The following KAZN variants were observed in gnomAD, a reference collection of about 807,000 sequenced individuals.
KAZN encodes the protein kazrin.
A neutral mutation model predicts 87.4 loss-of-function variants in KAZN; 40 were observed. The observed-to-expected ratio is 0.46, with a 90% CI of 0.36 to 0.60. KAZN has a LOEUF of 0.60. Among genes scored for constraint, KAZN ranks in the 20% least tolerant of loss-of-function variants. The probability of loss-of-function intolerance (pLI) is 0.00; values close to 1 mark genes in which losing one functional copy is unlikely to be tolerated. For synonymous variants in KAZN, 466 were observed against 458.3 expected, an observed-to-expected ratio of 1.02 and a Z score of -0.22; for missense variants, 898 against 1,073.9, an observed-to-expected ratio of 0.84 and a Z score of 2.29.
chr1:14,973,708 AAGG>A (rs1222448548), intron 2 of KAZN, among the ~76,000 whole-genome samples: 1 of 152,170 alleles, frequency 6.6e-6, no homozygotes, highest in Non-Finnish European at 1.5e-5. Context: ...AGGAGGAAAA[AAGG>A]AGAAGAAAAG....
In KAZN at chr1:14,694,473, C is replaced by T. The variant is rs2148791655; in HGVS notation, c.226+95250C>T. Reference sequence around the variant, plus strand: ...GATCTCCTCAACTGAAACATTCATTCATTCATTTATTCATTCATCAAACAT... The same window carrying T: ...GATCTCCTCAACTGAAACATTCATTTATTCATTTATTCATTCATCAAACAT... On this transcript the variant is annotated intron_variant, in intron 1 of 14. Coordinates refer to ENST00000376030, the MANE Select transcript of KAZN (RefSeq NM_201628.3). Among the ~76,000 whole-genome samples the T allele has an allele frequency of 1.3e-5, 2 of 152,152 alleles. 1 individual carries two copies. The highest frequency in any genetic ancestry group is 4.2e-4 in the South Asian group (2 of 4,812).
chr1:13,998,902 A>G (rs1639651015), intron 1 of KAZN, among the ~76,000 whole-genome samples: 2 of 150,386 alleles, frequency 1.3e-5, no homozygotes, highest in Non-Finnish European at 3.0e-5. Context: ...CCACAAATCA[A>G]CCGAATATAC....
At chr1:14,105,962 C>T (rs767951780) in intron 1 of KAZN, among the ~76,000 whole-genome samples, 2 of 152,206 alleles carry the variant, frequency 1.3e-5, no homozygotes, top group Non-Finnish European at 2.9e-5. Flanking sequence ...TCTCTACCCG[C>T]TCCTTGCAGC....
chr1:14,412,139 C>T (rs539374616), intron 2 of KAZN, among the ~76,000 whole-genome samples: 58 of 152,118 alleles, frequency 3.8e-4, no homozygotes, highest in Non-Finnish European at 6.0e-4. Flanking sequence ...AAAGAAAAGA[C>T]GTGACAAACA....
intron 1 of KAZN, among the ~76,000 whole-genome samples, chr1:14,107,391 T>C (rs112010492): frequency 6.6e-6 from 1 of 150,762 alleles, no homozygotes; most frequent in African/African-American, 2.5e-5. Context: ...TTGTTTGTTT[T>C]TTTGCCTGCT....
intron 2 of KAZN, among the ~76,000 whole-genome samples, chr1:14,223,902 G>A (rs139818327): frequency 6.6e-6 from 1 of 152,244 alleles, no homozygotes; most frequent in Non-Finnish European, 1.5e-5. Context: ...GGGCAAAGGA[G>A]GTGATCAGCA....
intron 2 of KAZN, among the ~76,000 whole-genome samples, chr1:14,976,884 C>T (rs1338418251): frequency 6.6e-6 from 1 of 152,130 alleles, no homozygotes; most frequent in African/African-American, 2.4e-5. Context: ...GAAACCCTGT[C>T]TCTACTAAAA....
intron 1 of KAZN, among the ~76,000 whole-genome samples, chr1:13,953,052 G>A (rs1641412474): frequency 6.6e-6 from 1 of 152,176 alleles, no homozygotes; most frequent in Admixed American, 6.5e-5. Flanking sequence ...CCTGTGGTTA[G>A]AGGTATTCAA....
intron 1 of KAZN, among the ~76,000 whole-genome samples, chr1:14,065,208 G>C (rs75982996): frequency 6.6e-6 from 1 of 152,128 alleles, no homozygotes; most frequent in Non-Finnish European, 1.5e-5. Flanking sequence ...CTTGCCTTCC[G>C]CATTGATAAC....
intron 1 of KAZN, among the ~76,000 whole-genome samples, chr1:13,957,418 G>A (rs1458875904): frequency 6.6e-6 from 1 of 152,166 alleles, no homozygotes; most frequent in Non-Finnish European, 1.5e-5. Flanking sequence ...GACAGTAAAA[G>A]GTTAATCAGA....
chr1:15,048,580 G>C (rs1673850771), intron 4 of KAZN, among the ~76,000 whole-genome samples: 1 of 152,042 alleles, frequency 6.6e-6, no homozygotes, highest in Non-Finnish European at 1.5e-5. Context: ...TTGATCCTTG[G>C]TCGTTGGTCC....
chr1:14,685,506 G>A (rs1412883317), intron 1 of KAZN, among the ~76,000 whole-genome samples: 2 of 152,228 alleles, frequency 1.3e-5, no homozygotes, highest in African/African-American at 2.4e-5. Flanking sequence ...GATTGGCAGT[G>A]TCTTCTACAG....
rs74057138 is a variant in KAZN, at chr1:14,278,768, C to T, written c.249+98176C>T. ...GCTTTTTAATTTATTGTATATTTGCCATTTATTTATTGGAGAAACTGATTC... is the reference window on the plus strand; with the variant it reads ...GCTTTTTAATTTATTGTATATTTGCTATTTATTTATTGGAGAAACTGATTC... On this transcript the variant is annotated intron_variant, in intron 2 of 16. Transcript: ENST00000636203. Among the ~76,000 whole-genome samples, 1,178 of 152,040 alleles carry T rather than the reference C, an allele frequency of 7.7e-3. 17 individuals carry two copies. Among genetic ancestry groups the T allele is most frequent in the African/African-American group, 0.027 (1,104 of 41,456 alleles).
chr1:14,992,160 G>A (rs1418731494), intron 2 of KAZN, among the ~76,000 whole-genome samples: 2 of 152,152 alleles, frequency 1.3e-5, no homozygotes, highest in Non-Finnish European at 1.5e-5. Flanking sequence ...GGCCGAGCAC[G>A]TAGGAGGTTC....
chr1:14,385,311 C>T (rs768025544), intron 2 of KAZN, among the ~76,000 whole-genome samples: 1 of 152,094 alleles, frequency 6.6e-6, no homozygotes, highest in Non-Finnish European at 1.5e-5. Context: ...TCTCTATTTC[C>T]TTCAGTTCTG....
intron 2 of KAZN, among the ~76,000 whole-genome samples, chr1:14,404,289 CCAGCATTCACTTGTGCAAGCTTCCA>C (rs1663658679): frequency 6.6e-6 from 1 of 152,298 alleles, no homozygotes; most frequent in African/African-American, 2.4e-5. Context: ...GGCACAGCTG[CCAGCATTCACTTGTGCAAGCTTCCA>C]ACTTGCTTAT....
At chr1:14,619,640 C>T (rs967504156) in intron 1 of KAZN, among the ~76,000 whole-genome samples, 1 of 152,208 alleles carries the variant, frequency 6.6e-6, no homozygotes, top group Non-Finnish European at 1.5e-5. Context: ...AGTTCCAGAA[C>T]CTTTTAACCA....
intron 1 of KAZN, among the ~76,000 whole-genome samples, chr1:13,917,272 C>T (rs1473488406): frequency 6.6e-6 from 1 of 152,086 alleles, no homozygotes; most frequent in East Asian, 1.9e-4. Context: ...AAGCTAAGGT[C>T]GTTGATGAAG....
rs546606668 is a variant in KAZN, at chr1:14,851,415, T to C, written c.227-109269T>C. Reference sequence around the variant, plus strand: ...GCCTTCAGCTGCCCCACCGCTGCGATAGCCCCTGGAGCAGAATCTCAAACA... The same window carrying C: ...GCCTTCAGCTGCCCCACCGCTGCGACAGCCCCTGGAGCAGAATCTCAAACA... On this transcript the variant is annotated intron_variant, in intron 1 of 14. Transcript: ENST00000376030. Among the ~76,000 whole-genome samples, 53 of 152,328 alleles carry C rather than the reference T, an allele frequency of 3.5e-4. No homozygotes were observed. In the South Asian group the frequency reaches 5.8e-3, roughly 17 times the overall value.
Sources: gnomAD v4.1 joint callset for allele counts (sites outside exome capture counted in the v4.1 genomes callset) on GRCh38, gnomAD v4.1.1 for gene constraint, MANE v1.5 for transcripts, NCBI Gene and HGNC (gene_info 2026-07-23, HGNC 2026-07-21) for gene names.